Variants in INTS4 observed in about 807,000 individuals in gnomAD.
INTS4 encodes MSTP093.
In INTS4, 70 loss-of-function variants were observed where a neutral mutation model predicts 119.5. The ratio of observed to expected loss-of-function variants is 0.59; its 90% CI spans 0.48 to 0.71. The LOEUF (loss-of-function observed/expected upper bound fraction) is 0.71. Ranked by LOEUF, INTS4 falls within the 30% of genes least tolerant of loss-of-function variation. The pLI, the probability that INTS4 is intolerant of heterozygous loss-of-function variation, is 0.00. For missense variants in INTS4, 867 were observed against 1,173.2 expected, an observed-to-expected ratio of 0.74 and a Z score of 3.81; for synonymous variants, 316 against 419.6, an observed-to-expected ratio of 0.75 and a Z score of 3.02.
intron 7 of INTS4, among the ~76,000 whole-genome samples, chr11:77,958,109 C>T (rs1219240850): frequency 6.6e-6 from 1 of 152,040 alleles, no homozygotes; most frequent in Non-Finnish European, 1.5e-5. Context: ...GGAGCCTACT[C>T]CTACAGGTTT....
intron 4 of INTS4, among the ~76,000 whole-genome samples, chr11:77,971,118 T>C (rs1204097845): frequency 6.6e-6 from 1 of 152,138 alleles, no homozygotes; most frequent in Admixed American, 6.5e-5. Context: ...CATTGTGGTT[T>C]TGATATGCAT....
chr11:77,878,145 G>A (rs1206897337), downstream of INTS4, among the ~76,000 whole-genome samples: 2 of 152,078 alleles, frequency 1.3e-5, no homozygotes, highest in South Asian at 2.1e-4. Flanking sequence ...GGCAGATCAC[G>A]AGGTCAGGAG....
At chr11:77,986,919 T>C (rs1856482509) in intron 2 of INTS4, 1 of 152,156 alleles carries the variant, frequency 6.6e-6, no homozygotes, top group South Asian at 2.1e-4. Context: ...CAAGCCAACA[T>C]GGCACATGTA....
At chr11:77,938,503 T>C (rs1953854853) in intron 10 of INTS4, 148 bp downstream of exon 10, 3 of 816,618 alleles carry the variant, frequency 3.7e-6, no homozygotes, top group Non-Finnish European at 5.4e-6. Context: ...CCTCAGTCTC[T>C]TCTGTGTGTA....
At chr11:77,963,550 T>C in intron 4 of INTS4, 1 of 350,708 alleles carries the variant, frequency 2.9e-6, no homozygotes, top group Non-Finnish European at 5.5e-6. Flanking sequence ...TAAGACCAAT[T>C]TGTGTCAAAA....
chr11:77,923,146 C>T (rs1054999135), intron 12 of INTS4, among the ~76,000 whole-genome samples: 4 of 151,964 alleles, frequency 2.6e-5, no homozygotes, highest in Non-Finnish European at 5.9e-5. Flanking sequence ...GGTGAAACCC[C>T]ATCTCTGCTA....
chr11:77,966,086 T>C (rs1317296164), intron 4 of INTS4, among the ~76,000 whole-genome samples: 6 of 152,232 alleles, frequency 3.9e-5, no homozygotes, highest in East Asian at 3.8e-4. Flanking sequence ...CACTTTTTCA[T>C]GAACCTGTTG....
At chr11:77,946,999 GA>G (rs1009460748) in intron 8 of INTS4, among the ~76,000 whole-genome samples, 2 of 148,748 alleles carry the variant, frequency 1.3e-5, no homozygotes, top group Non-Finnish European at 1.5e-5. Context: ...AGAATTTAAT[GA>G]AAAAAATAAA....
At chr11:77,987,876 C>T (rs1009491193) in intron 2 of INTS4, among the ~76,000 whole-genome samples, 2 of 151,984 alleles carry the variant, frequency 1.3e-5, no homozygotes, top group Non-Finnish European at 2.9e-5. Flanking sequence ...CAAAAAGATG[C>T]CAGGCACAGT....
intron 11 of INTS4, 64 bp downstream of exon 11, chr11:77,928,278 A>G: frequency 6.4e-7 from 1 of 1,558,220 alleles, no homozygotes; most frequent in Non-Finnish European, 8.8e-7. Flanking sequence ...GCCTAGCACA[A>G]TACCTGATTT....
At chr11:77,880,418 C>T (rs1038775559) in intron 22 of INTS4, among the ~76,000 whole-genome samples, 2 of 152,196 alleles carry the variant, frequency 1.3e-5, no homozygotes, top group Admixed American at 1.3e-4. Flanking sequence ...TAAGTGCAGC[C>T]TCATCATCAA....
chr11:77,959,940 T>A (rs955641181), intron 6 of INTS4, among the ~76,000 whole-genome samples: 1 of 152,174 alleles, frequency 6.6e-6, no homozygotes, highest in African/African-American at 2.4e-5. Context: ...TTTTTTTATA[T>A]GATCCTACGG....
intron 4 of INTS4, among the ~76,000 whole-genome samples, chr11:77,967,470 T>TGGCA (rs755504080): frequency 1.3e-5 from 2 of 152,208 alleles, no homozygotes; most frequent in Non-Finnish European, 2.9e-5. Context: ...ATCCAGCCTG[T>TGGCA]GGCATTTTGT....
intron 2 of INTS4, among the ~76,000 whole-genome samples, chr11:77,990,388 C>T (rs1233504927): frequency 6.6e-6 from 1 of 151,956 alleles, no homozygotes; most frequent in African/African-American, 2.4e-5. Context: ...GCCTCTGTCT[C>T]AAAAACAGTT....
Position 77,937,926 on chromosome 11 carries a change from C to T in INTS4, c.1165+725G>A, listed in dbSNP as rs1953840546. On this transcript the variant is annotated intron_variant, in intron 10 of 22. Transcript: ENST00000534064. ...GCAGTGGCACGATCTCAGCTCACTG[C>T]AACCTCTGCCTCCTGAGTTCAAGTG... Among the ~76,000 whole-genome samples, 3 of 152,202 alleles carry T rather than the reference C, an allele frequency of 2.0e-5. No homozygotes were observed. In the South Asian group the frequency reaches 6.2e-4, roughly 32 times the overall value.
At chr11:77,933,535 G>A (rs1004918524) in intron 10 of INTS4, among the ~76,000 whole-genome samples, 1 of 152,140 alleles carries the variant, frequency 6.6e-6, no homozygotes, top group African/African-American at 2.4e-5. Context: ...GCTCAATGTT[G>A]CCCAGGCTGG....
chr11:77,899,658 G>A (rs370673234), intron 18 of INTS4, among the ~76,000 whole-genome samples: 3 of 151,232 alleles, frequency 2.0e-5, no homozygotes, highest in East Asian at 1.9e-4. Context: ...CAACAAGAGC[G>A]AGACTTTGTC....
chr11:77,936,985 G>A lies in INTS4; in HGVS notation c.1165+1666C>T, dbSNP rs1470179969. Reference sequence around the variant, plus strand: ...AGCTCAGGAGTTTGAGACCAGCCTCGACAACATGGCAAAACCCCGTCTCTA... The same window carrying A: ...AGCTCAGGAGTTTGAGACCAGCCTCAACAACATGGCAAAACCCCGTCTCTA... On this transcript the variant is annotated intron_variant, in intron 10 of 22. Transcript: ENST00000534064. Among the ~76,000 whole-genome samples the A allele has an allele frequency of 2.6e-5, 4 of 151,984 alleles. No homozygotes were observed. The East Asian group carries it at 5.8e-4, about 22-fold the overall frequency.
At chr11:77,947,201 G>C (rs1256230397) in intron 8 of INTS4, among the ~76,000 whole-genome samples, 8 of 152,034 alleles carry the variant, frequency 5.3e-5, no homozygotes, top group African/African-American at 1.4e-4. Flanking sequence ...AAGATTGCCT[G>C]ATGGAGAAGA....
Sources: gnomAD v4.1 joint callset for allele counts (sites outside exome capture counted in the v4.1 genomes callset) on GRCh38, gnomAD v4.1.1 for gene constraint, MANE v1.5 for transcripts, NCBI Gene and HGNC (gene_info 2026-07-23, HGNC 2026-07-21) for gene names.